Variants in ANO2 observed in about 807,000 individuals in gnomAD.
The protein encoded by ANO2 is anoctamin-2.
A neutral mutation model predicts 124.2 loss-of-function variants in ANO2; 101 were observed. That is an observed-to-expected ratio of 0.81 (90% CI 0.69 to 0.96). The LOEUF (loss-of-function observed/expected upper bound fraction) is 0.96, where lower values mean the gene tolerates loss of function less well. Among genes scored for constraint, ANO2 ranks in the 40% least tolerant of loss-of-function variants. The pLI is 0.00. For missense variants in ANO2, 1,293 were observed against 1,274.5 expected (o/e 1.01, Z -0.22); for synonymous variants, 486 against 482.5 (o/e 1.01, Z -0.09).
At chr12:5,703,752 T>C (rs1293641195) in intron 14 of ANO2, among the ~76,000 whole-genome samples, 1 of 152,162 alleles carries the variant, frequency 6.6e-6, no homozygotes, top group East Asian at 1.9e-4. Context: ...TCTCCTTATG[T>C]TGCCCAGGCT....
intron 23 of ANO2, 101 bp downstream of exon 23, chr12:5,575,733 A>C: frequency 7.4e-7 from 1 of 1,353,662 alleles, no homozygotes; most frequent in Non-Finnish European, 1.0e-6. Flanking sequence ...TGTCCAAAAC[A>C]TCATCATGTT....
chr12:5,922,687 C>A lies in ANO2; in HGVS notation c.140G>T (p.Gly47Val), dbSNP rs1330033742. ...CLKMPGPRAP[G>V]LQGGSNRDPG... is the part of the protein sequence containing the mutation. ...ATCTCTGTTGGAACCGCCCTGCAGACCTGGGGCCCGGGGACCTGGCATCTT... is the reference window on the plus strand; with the variant it reads ...ATCTCTGTTGGAACCGCCCTGCAGAACTGGGGCCCGGGGACCTGGCATCTT... The change falls in exon 2 of 25, where the codon GGT (glycine) becomes GTT (valine). Residue 47 changes from glycine to valine, a missense_variant. By Grantham distance (109) the Gly-to-Val change is moderately radical. Transcript: ENST00000682330. 1.3e-6 allele frequency: 2 copies of A among 1,581,038 alleles called. No homozygotes were observed. The highest frequency in any genetic ancestry group is 8.6e-7 in the Non-Finnish European group (1 of 1,165,096).
Position 5,925,246 on chromosome 12 carries a change from G to A in ANO2, c.23-2442C>T, listed in dbSNP as rs58517991. 0.034 allele frequency among the ~76,000 whole-genome samples: 5,110 copies of A among 152,248 alleles called. 209 individuals carry two copies. Among genetic ancestry groups the A allele is most frequent in the African/African-American group, 0.1 (4,252 of 41,528 alleles). ...GGCTCAGAGTAGCTCAGATTCAAGG[G>A]CAATGCAAAGCTTTGGTCCAGCTGC... is the stretch of plus-strand genomic sequence containing the variant. On this transcript the variant is annotated intron_variant, in intron 1 of 24. Transcript: ENST00000682330. This position sits in a 1 kb window ranked among gnomAD's most constrained non-coding sequence, Gnocchi z 4.6.
At chr12:5,934,633 C>T (rs1486102009) in intron 1 of ANO2, among the ~76,000 whole-genome samples, 3 of 152,172 alleles carry the variant, frequency 2.0e-5, no homozygotes, top group Non-Finnish European at 4.4e-5. Flanking sequence ...ATAAATGCCC[C>T]TCCTTACATG....
At chr12:5,643,395 T>C (rs1462467193) in intron 15 of ANO2, among the ~76,000 whole-genome samples, 3 of 152,244 alleles carry the variant, frequency 2.0e-5, no homozygotes, top group Non-Finnish European at 4.4e-5. Flanking sequence ...CTCATTTTCA[T>C]GACTGTGTAG....
intron 3 of ANO2, among the ~76,000 whole-genome samples, chr12:5,899,009 C>G (rs570891848): frequency 2.6e-5 from 4 of 152,208 alleles, no homozygotes; most frequent in Non-Finnish European, 5.9e-5. Context: ...AAAAGTTGAG[C>G]CTGTAAAACC....
intron 7 of ANO2, among the ~76,000 whole-genome samples, chr12:5,809,485 A>G (rs189601348): frequency 1.2e-4 from 19 of 152,224 alleles, no homozygotes; most frequent in Admixed American, 3.9e-4. Flanking sequence ...GACAGTCCCA[A>G]AACTCTGTGG....
intron 1 of ANO2, among the ~76,000 whole-genome samples, chr12:5,938,659 G>GA (rs1014158830): frequency 1.1e-4 from 16 of 151,664 alleles, no homozygotes; most frequent in Admixed American, 5.9e-4. Context: ...CGTCTCTACT[G>GA]AAAAAAAATA....
intron 14 of ANO2, among the ~76,000 whole-genome samples, chr12:5,696,629 C>T (rs1353027360): frequency 6.6e-6 from 1 of 152,102 alleles, no homozygotes; most frequent in African/African-American, 2.4e-5. Flanking sequence ...TACTGTGTGG[C>T]TTGTACAATC....
At chr12:5,854,002 G>T in intron 4 of ANO2, 41 bp downstream of exon 4, 1 of 1,552,394 alleles carries the variant, frequency 6.4e-7, no homozygotes, top group Non-Finnish European at 8.9e-7. Context: ...CATCCATCCA[G>T]CCCTCAGGAG....
At chr12:5,909,640 G>A (rs995240271) in intron 3 of ANO2, among the ~76,000 whole-genome samples, 2 of 152,230 alleles carry the variant, frequency 1.3e-5, no homozygotes, top group African/African-American at 4.8e-5. Context: ...AGTTAGCTGT[G>A]CACACGGAGA....
At chr12:5,805,819 G>A (rs1953173247) in intron 9 of ANO2, among the ~76,000 whole-genome samples, 2 of 152,146 alleles carry the variant, frequency 1.3e-5, no homozygotes, top group Admixed American at 1.3e-4. Flanking sequence ...GTGTGTGGAG[G>A]GCCATTGGAT....
intron 3 of ANO2, among the ~76,000 whole-genome samples, chr12:5,857,677 GAA>G (rs1224425216): frequency 1.3e-5 from 2 of 152,134 alleles, no homozygotes; most frequent in Admixed American, 1.3e-4. Context: ...CTTCTTTTAT[GAA>G]GTGTTTATTT....
intron 14 of ANO2, among the ~76,000 whole-genome samples, chr12:5,692,877 G>A (rs748681379): frequency 3.9e-5 from 6 of 152,166 alleles, no homozygotes; most frequent in East Asian, 1.9e-4. Flanking sequence ...TATTGTTTCC[G>A]AGGGCCAATC....
At chr12:5,927,466 C>A (rs764044056) in intron 1 of ANO2, among the ~76,000 whole-genome samples, 4 of 152,136 alleles carry the variant, frequency 2.6e-5, no homozygotes, top group South Asian at 4.2e-4. Context: ...ACAGGTGAAG[C>A]CTGTTTTCAG....
chr12:5,850,392 G>A (rs1954842194), intron 4 of ANO2, among the ~76,000 whole-genome samples: 1 of 147,494 alleles, frequency 6.8e-6, no homozygotes, highest in East Asian at 2.0e-4. Context: ...CTCCAGCCTG[G>A]GTGACAGAGG....
At position 5,721,508 on chromosome 12, in the gene ANO2, T is replaced by TG. The variant is rs1555146217; in HGVS notation, c.1545+11011_1545+11012insC. Among the ~76,000 whole-genome samples, 922 of 150,626 alleles carry TG rather than the reference T, an allele frequency of 6.1e-3. 4 individuals are homozygous for TG. The highest frequency in any genetic ancestry group is 0.014 in the African/African-American group (579 of 40,716). On this transcript the variant is annotated intron_variant, in intron 14 of 24. Coordinates refer to ENST00000682330, the MANE Select transcript of ANO2 (RefSeq NM_001364791.2). ...TGGTTTTTGGTTTTGGGTTTTTTTT[T>TG]TTTGTTTTTTTTTAAGAGGCAGAGA...
At chr12:5,878,379 C>T (rs898698796) in intron 3 of ANO2, among the ~76,000 whole-genome samples, 1 of 152,182 alleles carries the variant, frequency 6.6e-6, no homozygotes, top group African/African-American at 2.4e-5. Flanking sequence ...CACTTAAGTG[C>T]TTTTCCATAA....
At chr12:5,870,270 G>A (rs1313191905) in intron 3 of ANO2, 3 of 152,328 alleles carry the variant, frequency 2.0e-5, no homozygotes, top group Admixed American at 1.3e-4. Flanking sequence ...GAAGTCCACA[G>A]TGTTTCCTGC....
Sources: gnomAD v4.1 joint callset for allele counts (sites outside exome capture counted in the v4.1 genomes callset) on GRCh38, gnomAD v4.1.1 for gene constraint, Gnocchi (gnomAD v3.1) non-coding constraint, MANE v1.5 for transcripts, NCBI Gene and HGNC (gene_info 2026-07-23, HGNC 2026-07-21) for gene names.